NR2E1: variants seen among roughly 807,000 people sequenced by gnomAD.
The protein encoded by NR2E1 is nuclear receptor TLX.
A neutral mutation model predicts 43.6 loss-of-function variants in NR2E1; 5 were observed. That is an observed-to-expected ratio of 0.11 (90% CI 0.06 to 0.24). The LOEUF (loss-of-function observed/expected upper bound fraction) is 0.24. Among genes scored for constraint, NR2E1 ranks in the 10% least tolerant of loss-of-function variants. NR2E1 has a pLI of 1.00. For synonymous variants in NR2E1, 191 were observed against 195.5 expected (o/e 0.98, Z 0.19); for missense variants, 287 against 496.7 (o/e 0.58, Z 4.01).
At chr6:108,170,217 A>G (rs748177821) in intron 1 of NR2E1, among the ~76,000 whole-genome samples, 6 of 152,170 alleles carry the variant, frequency 3.9e-5, no homozygotes, top group South Asian at 2.1e-4. Flanking sequence ...AATTTCAGGG[A>G]GGCCTGAGGC....
At chr6:108,179,446 TAGGTC>T (rs1169036807) in intron 5 of NR2E1, 1 of 151,774 alleles carries the variant, frequency 6.6e-6, no homozygotes, top group East Asian at 1.9e-4. Flanking sequence ...TAAAGGTAGT[TAGGTC>T]CTATCTTTGA....
At chr6:108,183,547 A>G (rs887023610) in intron 8 of NR2E1, among the ~76,000 whole-genome samples, 1 of 152,124 alleles carries the variant, frequency 6.6e-6, no homozygotes, top group Non-Finnish European at 1.5e-5. Flanking sequence ...AGCTATAGAC[A>G]CTGTGGGGGG....
At chr6:108,167,138 A>G (rs921097949) in intron 1 of NR2E1, among the ~76,000 whole-genome samples, 2 of 152,096 alleles carry the variant, frequency 1.3e-5, no homozygotes, top group African/African-American at 4.8e-5. Context: ...AGGCGGTAGC[A>G]CAATAACACA....
rs2233493 is a variant in NR2E1, at chr6:108,178,092, C to T, written c.496-3C>T. The T allele has an allele frequency of 4.4e-4, 703 of 1,614,190 alleles. No individual in the cohort carries two copies. The African/African-American group carries it at 7.7e-3, about 18-fold the overall frequency. On this transcript the variant is annotated splice_region_variant and splice_polypyrimidine_tract_variant and intron_variant, in intron 4 of 8. Coordinates refer to ENST00000368986, the MANE Select transcript of NR2E1 (RefSeq NM_003269.5). Reference sequence around the variant, plus strand: ...CAGGTGTCTTTCTTTCTTCCCTACCCAGTACCCCCATGAAGTGAATGGGAC... The same window carrying T: ...CAGGTGTCTTTCTTTCTTCCCTACCTAGTACCCCCATGAAGTGAATGGGAC...
Position 108,176,705 on chromosome 6 carries a change from G to C in NR2E1, c.462G>C (p.Gln154His), listed in dbSNP as rs1396128128. The C allele has an allele frequency of 6.3e-7, 1 of 1,588,214 alleles. No individual in the cohort carries two copies. Among genetic ancestry groups the C allele is most frequent in the African/African-American group, 1.3e-5 (1 of 74,772 alleles). ...LAAVSTTPER[Q>H]TLVSLAQPTP... ...CGGTGTCCACCACTCCAGAGCGGCAGACCCTCGTGAGCCTGGCTCAGCCCA... is the reference window on the plus strand; with the variant it reads ...CGGTGTCCACCACTCCAGAGCGGCACACCCTCGTGAGCCTGGCTCAGCCCA... Residue 154 changes from glutamine (Q) to histidine (H), a missense_variant, in exon 4 of 9, where the codon CAG becomes CAC. Physicochemically the swap from Gln to His is conservative, Grantham distance 24 (BLOSUM62 0). Coordinates refer to ENST00000368986, the MANE Select transcript of NR2E1 (RefSeq NM_003269.5).
chr6:108,170,885 A>G (rs1194322454), intron 1 of NR2E1, among the ~76,000 whole-genome samples: 1 of 152,246 alleles, frequency 6.6e-6, no homozygotes, highest in Non-Finnish European at 1.5e-5. Context: ...AAAGTTGGCC[A>G]ATTACCACTA....
intron 1 of NR2E1, chr6:108,168,741 T>A (rs1773756133): frequency 6.6e-6 from 1 of 151,724 alleles, no homozygotes; most frequent in Admixed American, 6.6e-5. Context: ...AGCTAGGAGG[T>A]CGGCGCGCAG....
At chr6:108,174,075 T>G (rs1244568172) in intron 2 of NR2E1, among the ~76,000 whole-genome samples, 1 of 152,206 alleles carries the variant, frequency 6.6e-6, no homozygotes, top group African/African-American at 2.4e-5. Context: ...CATTTCTATA[T>G]TTTGCTCAAG....
At chr6:108,172,785 A>G (rs999621548) in intron 2 of NR2E1, among the ~76,000 whole-genome samples, 4 of 152,234 alleles carry the variant, frequency 2.6e-5, no homozygotes, top group Non-Finnish European at 5.9e-5. Flanking sequence ...TGGATTAACC[A>G]CAAAAACAGA....
rs373783447 is a variant in NR2E1, at chr6:108,185,379, A to AAC, written c.996-1905_996-1904dup. 3.5e-3 allele frequency among the ~76,000 whole-genome samples: 478 copies of AAC among 134,682 alleles called. 1 individual carries two copies. The highest frequency in any genetic ancestry group is 0.011 in the African/African-American group (375 of 34,212). The allele number at this position is 134,682 out of a possible 152,430, so 88.4% of individuals were successfully genotyped here. A position where few individuals can be genotyped will look rare whatever the true frequency, so the allele number is the denominator to read the frequency against. On this transcript the variant is annotated intron_variant, in intron 8 of 8. Transcript: ENST00000368986. ...TTGATTAGTCAGACCTTCTCTCTCT[A>AAC]ACACACACACACACACACGCACACA...
At chr6:108,174,456 T>A (rs1337397124) in intron 2 of NR2E1, among the ~76,000 whole-genome samples, 1 of 152,060 alleles carries the variant, frequency 6.6e-6, no homozygotes, top group Admixed American at 6.5e-5. Context: ...CAAGTCGCTG[T>A]CTTCGGTCCT....
chr6:108,166,803 C>A lies in NR2E1; in HGVS notation c.25+13C>A. 6.3e-7 allele frequency: 1 copy of A among 1,590,394 alleles called. No homozygotes were observed. Among genetic ancestry groups the A allele is most frequent in the Non-Finnish European group, 8.5e-7 (1 of 1,171,984 alleles). On this transcript the variant is annotated intron_variant, in intron 1 of 8. Coordinates refer to ENST00000368986, the MANE Select transcript of NR2E1 (RefSeq NM_003269.5). The surrounding 1 kb of genome is among the most constrained non-coding windows in gnomAD (Gnocchi z 7.2). The stretch of plus-strand genomic sequence containing the variant: ...GCCGGATCAACAAGTGGGTACCTCT[C>A]GGGCCGCCGTGGGGCCTAGGCGCGC...
intron 1 of NR2E1, among the ~76,000 whole-genome samples, chr6:108,170,611 A>G (rs1773796166): frequency 6.6e-6 from 1 of 151,980 alleles, no homozygotes; most frequent in Admixed American, 6.6e-5. Flanking sequence ...ATTTAAAAAA[A>G]AATCAGGCTC....
Position 108,174,837 on chromosome 6 carries a change from G to T in NR2E1, c.173G>T (p.Gly58Val). The change falls in exon 3 of 9, where the codon GGA (glycine) becomes GTA (valine). Residue 58 changes from glycine to valine, a missense_variant and splice_region_variant. Gly to Val is a moderately radical substitution (Grantham distance 109). Around this residue, in one of 4 missense-constraint regions of NR2E1, gnomAD observed 46 missense variants for 132.3 expected, o/e 0.35. Coordinates refer to ENST00000368986, the MANE Select transcript of NR2E1 (RefSeq NM_003269.5). Reference protein sequence around the residue: ...RTYVCKSGNQGGCPVDKTHRN... With the variant: ...RTYVCKSGNQVGCPVDKTHRN... ...CTGACCTCCTGCTCTCTGTTCCAGG[G>T]AGGCTGTCCGGTGGACAAGACGCAC... 1 of 1,613,976 alleles carries T rather than the reference G, an allele frequency of 6.2e-7. No homozygotes were observed. The highest frequency in any genetic ancestry group is 8.5e-7 in the Non-Finnish European group (1 of 1,179,932).
Position 108,180,484 on chromosome 6 carries a change from A to G in NR2E1, c.739+65A>G, listed in dbSNP as rs1562405830. The G allele has an allele frequency of 2.7e-6, 3 of 1,101,738 alleles. No individual in the cohort carries two copies. Among genetic ancestry groups the G allele is most frequent in the Non-Finnish European group, 4.2e-6 (3 of 712,726 alleles). The allele number at this position is 1,101,738 out of a possible 1,614,324, so 68.2% of individuals were successfully genotyped here. A position where few individuals can be genotyped will look rare whatever the true frequency, so the allele number is the denominator to read the frequency against. On this transcript the variant is annotated intron_variant, in intron 6 of 8. Coordinates refer to ENST00000368986, the MANE Select transcript of NR2E1 (RefSeq NM_003269.5). This position sits in a 1 kb window ranked among gnomAD's most constrained non-coding sequence, Gnocchi z 5.4. The stretch of plus-strand genomic sequence containing the variant: ...ACCATAAAAATACATTACTGAAAAA[A>G]GAACAACATGTAAAGAATAACAAAT...
At chr6:108,174,974 A>G (rs1473432303) in intron 3 of NR2E1, 51 bp downstream of exon 3, 2 of 1,533,382 alleles carry the variant, frequency 1.3e-6, no homozygotes, top group Non-Finnish European at 1.8e-6. Flanking sequence ...TAAGTAAATT[A>G]TATGTACAGA....
Position 108,166,886 on chromosome 6 carries a change from C to G in NR2E1, c.25+96C>G. The G allele has an allele frequency of 7.9e-7, 1 of 1,271,102 alleles. No individual in the cohort carries two copies. Among genetic ancestry groups the G allele is most frequent in the Non-Finnish European group, 1.1e-6 (1 of 902,618 alleles). 78.7% of individuals were successfully genotyped at this position (1,271,102 alleles called of 1,614,324 possible). A position where few individuals can be genotyped will look rare whatever the true frequency, so the allele number is the denominator to read the frequency against. On this transcript the variant is annotated intron_variant, in intron 1 of 8. Coordinates refer to ENST00000368986, the MANE Select transcript of NR2E1 (RefSeq NM_003269.5). The surrounding 1 kb of genome is among the most constrained non-coding windows in gnomAD (Gnocchi z 7.2). ...AGGTCCTGCCTGGAGCGCTGCGAAT[C>G]TGAGCCCCTGAGAGGGATTCCAGCG...
At chr6:108,179,407 G>A (rs1773949696) in intron 5 of NR2E1, 1 of 151,864 alleles carries the variant, frequency 6.6e-6, no homozygotes, top group Admixed American at 6.6e-5. Flanking sequence ...ATCATTTAGA[G>A]TTGACTGGCT....
chr6:108,188,500 T>C lies in NR2E1; in HGVS notation c.*1037T>C, dbSNP rs1451823541. 1 of 107,002 alleles carries C rather than the reference T, an allele frequency of 9.3e-6. No homozygotes were observed. The highest frequency in any genetic ancestry group is 1.8e-5 in the Non-Finnish European group (1 of 54,268). The allele number at this position is 107,002 out of a possible 1,614,324, so 6.6% of individuals were successfully genotyped here. On this transcript the variant is annotated 3_prime_UTR_variant, in exon 9 of 9. Transcript: ENST00000368986. ...AACTGGTTTCTAGTAAAGCCTTGAATGAACACACACACACACACACACACA... is the reference window on the plus strand; with the variant it reads ...AACTGGTTTCTAGTAAAGCCTTGAACGAACACACACACACACACACACACA...
Sources: gnomAD v4.1 joint callset for allele counts (sites outside exome capture counted in the v4.1 genomes callset) on GRCh38, gnomAD v4.1.1 for gene constraint, gnomAD v4.1.1 regional missense constraint, Gnocchi (gnomAD v3.1) non-coding constraint, MANE v1.5 for transcripts, NCBI Gene and HGNC (gene_info 2026-07-23, HGNC 2026-07-21) for gene names.